UVRAG: variants seen among roughly 807,000 people sequenced by gnomAD.
UVRAG encodes UV radiation resistance-associated gene protein.
Under a neutral mutation model 78.0 loss-of-function variants are expected in UVRAG, and 19 were observed. The observed-to-expected ratio is 0.24, with a 90% CI of 0.17 to 0.36. The LOEUF is 0.36. UVRAG is among the 10% of genes least tolerant of loss of function. The probability of loss-of-function intolerance (pLI) is 1.00; values close to 1 mark genes in which losing one functional copy is unlikely to be tolerated. For missense variants in UVRAG, 740 were observed against 853.8 expected (o/e 0.87, Z 1.66); for synonymous variants, 323 against 324.6 (o/e 1.00, Z 0.05).
intron 12 of UVRAG, among the ~76,000 whole-genome samples, chr11:76,028,250 C>T (rs1215697039): frequency 2.6e-5 from 4 of 152,078 alleles, no homozygotes; most frequent in Non-Finnish European, 4.4e-5. Flanking sequence ...TGTGTGTGTT[C>T]TGACTGCTCC....
intron 12 of UVRAG, among the ~76,000 whole-genome samples, chr11:76,049,562 C>A (rs116401771): frequency 0.015 from 2,324 of 152,096 alleles, 61 homozygotes; most frequent in African/African-American, 0.053. Flanking sequence ...TACAGCTTTA[C>A]AAAATGGGGT....
chr11:75,978,197 C>T (rs897738141), intron 7 of UVRAG, among the ~76,000 whole-genome samples: 2 of 152,148 alleles, frequency 1.3e-5, no homozygotes, highest in African/African-American at 4.8e-5. Context: ...AATATTGCCT[C>T]CACTCTTTTG....
chr11:76,108,318 G>A (rs924769130), intron 13 of UVRAG, among the ~76,000 whole-genome samples: 2 of 152,116 alleles, frequency 1.3e-5, no homozygotes, highest in African/African-American at 4.8e-5. Context: ...ATAAAATTGA[G>A]CACTTTGATA....
rs145891794 is a variant in UVRAG, at chr11:76,007,537, A to G, written c.915A>G (p.Glu305=). ...GTATTTTTTCTTTCCTCATTAGAGA[A>G]CTCTTCTTGAAGACTAATGCTCAGT... ...ELRKECTAKR[E]LFLKTNAQLT... Residue 305 remains glutamate, a synonymous_variant, in exon 10 of 15, where the codon GAA becomes GAG. Transcript: ENST00000356136. 1 of 1,611,418 alleles carries G rather than the reference A, an allele frequency of 6.2e-7. No individual in the cohort carries two copies. Among genetic ancestry groups the G allele is most frequent in the Non-Finnish European group, 8.5e-7 (1 of 1,178,550 alleles).
intron 13 of UVRAG, among the ~76,000 whole-genome samples, chr11:76,086,991 A>G (rs963090940): frequency 6.6e-6 from 1 of 152,212 alleles, no homozygotes; most frequent in African/African-American, 2.4e-5. Flanking sequence ...AATTTAACTT[A>G]TTTTGTTTCC....
chr11:76,099,059 A>G (rs896682664), intron 13 of UVRAG, among the ~76,000 whole-genome samples: 3 of 152,120 alleles, frequency 2.0e-5, no homozygotes, highest in African/African-American at 7.2e-5. Flanking sequence ...CATTCAGCTC[A>G]TCTTCTTTCA....
intron 6 of UVRAG, among the ~76,000 whole-genome samples, chr11:75,935,892 A>G (rs562884547): frequency 8.1e-4 from 124 of 152,350 alleles, no homozygotes; most frequent in Non-Finnish European, 1.7e-3. Context: ...AAGTTTCTTC[A>G]GCTGTCTCAG....
intron 13 of UVRAG, among the ~76,000 whole-genome samples, chr11:76,099,355 G>A (rs1565160541): frequency 6.6e-6 from 1 of 152,042 alleles, no homozygotes; most frequent in Non-Finnish European, 1.5e-5. Flanking sequence ...TCTGTAATAC[G>A]AGGAAAATAA....
intron 11 of UVRAG, among the ~76,000 whole-genome samples, chr11:76,016,164 C>T (rs1375994630): frequency 1.3e-5 from 2 of 152,000 alleles, no homozygotes; most frequent in African/African-American, 2.4e-5. Context: ...GCATTTTTTC[C>T]TAGTAGTTGC....
intron 8 of UVRAG, among the ~76,000 whole-genome samples, chr11:76,003,262 T>TG: frequency 8.7e-6 from 1 of 115,550 alleles, no homozygotes; most frequent in African/African-American, 4.4e-5. Flanking sequence ...TACTGATTTT[T>TG]TTTTTTTTTT....
chr11:75,877,117 T>G (rs546706904), intron 3 of UVRAG, among the ~76,000 whole-genome samples: 3 of 151,750 alleles, frequency 2.0e-5, no homozygotes, highest in Non-Finnish European at 2.9e-5. Context: ...TTAATCCATT[T>G]AACCCTGAGT....
At chr11:76,124,908 A>G (rs1304490259) in intron 14 of UVRAG, among the ~76,000 whole-genome samples, 1 of 152,244 alleles carries the variant, frequency 6.6e-6, no homozygotes, top group Non-Finnish European at 1.5e-5. Context: ...TAAGTGAGCC[A>G]ATCTACTTTC....
At chr11:75,942,147 A>G (rs931126182) in intron 6 of UVRAG, 1 of 152,518 alleles carries the variant, frequency 6.6e-6, no homozygotes, top group Non-Finnish European at 1.5e-5. Flanking sequence ...AGTTCCCCCT[A>G]TTTATTCCTG....
intron 6 of UVRAG, among the ~76,000 whole-genome samples, chr11:75,931,811 T>C (rs1017633436): frequency 6.6e-6 from 1 of 152,228 alleles, no homozygotes; most frequent in Non-Finnish European, 1.5e-5. Context: ...CTCTGTGTTT[T>C]TGTTAGCTAT....
At chr11:75,884,742 G>C (rs1050975090) in intron 4 of UVRAG, among the ~76,000 whole-genome samples, 2 of 152,042 alleles carry the variant, frequency 1.3e-5, no homozygotes, top group African/African-American at 2.4e-5. Context: ...CTGTTTCATT[G>C]ATCTGTATTT....
In UVRAG at chr11:76,143,375, T is replaced by G. The variant is rs1952756672; in HGVS notation, c.*1962T>G. ...AGCAGGACTCCTCATGATTACAGTG[T>G]CCATCTCAGGCCCACACAACCATGA... On this transcript the variant is annotated 3_prime_UTR_variant, in exon 15 of 15. Transcript: ENST00000356136. 6.6e-6 allele frequency among the ~76,000 whole-genome samples: 1 copy of G among 152,146 alleles called. No homozygotes were observed. The highest frequency in any genetic ancestry group is 1.5e-5 in the Non-Finnish European group (1 of 68,020).
At chr11:75,877,155 A>G (rs1407891611) in intron 3 of UVRAG, among the ~76,000 whole-genome samples, 1 of 151,906 alleles carries the variant, frequency 6.6e-6, no homozygotes, top group East Asian at 1.9e-4. Flanking sequence ...CAGAGAGCAC[A>G]GGGTTGGGGG....
At chr11:75,861,914 A>T (rs574290950) in intron 3 of UVRAG, 134 bp downstream of exon 3, 9 of 721,202 alleles carry the variant, frequency 1.2e-5, no homozygotes, top group Non-Finnish European at 1.8e-5. Flanking sequence ...TTGTTAAATC[A>T]TCATTGTTTT....
intron 1 of UVRAG, among the ~76,000 whole-genome samples, chr11:75,840,297 A>C (rs2135839609): frequency 6.6e-6 from 1 of 152,162 alleles, no homozygotes; most frequent in East Asian, 1.9e-4. Flanking sequence ...TGTAAAGGCA[A>C]TACTAAGCTA....
Sources: allele counts gnomAD v4.1 joint callset (sites outside exome capture counted in the v4.1 genomes callset), GRCh38; gene constraint gnomAD v4.1.1; transcripts MANE v1.5; gene names NCBI Gene and HGNC (gene_info 2026-07-23, HGNC 2026-07-21).